Variants in FSTL5 observed in about 807,000 individuals in gnomAD.
The protein encoded by FSTL5 is follistatin like 5, also known as follistatin-related protein 5.
FSTL5 carries 62 observed loss-of-function variants against 89.1 expected under a neutral mutation model. The ratio of observed to expected loss-of-function variants is 0.70; its 90% CI spans 0.57 to 0.86. FSTL5 has a LOEUF of 0.86. Ranked by LOEUF, FSTL5 falls within the 40% of genes least tolerant of loss-of-function variation. The pLI is 0.00. For missense variants in FSTL5, 1,057 were observed against 1,001.6 expected, an observed-to-expected ratio of 1.06 and a Z score of -0.75; for synonymous variants, 383 against 346.2, an observed-to-expected ratio of 1.11 and a Z score of -1.18.
intron 4 of FSTL5, among the ~76,000 whole-genome samples, chr4:161,891,338 G>A (rs974014531): frequency 6.6e-6 from 1 of 152,020 alleles, no homozygotes. Flanking sequence ...TCAAAAGAAA[G>A]CTCTGTCCTT....
chr4:161,726,049 C>T (rs1579050323), intron 6 of FSTL5, among the ~76,000 whole-genome samples: 1 of 152,128 alleles, frequency 6.6e-6, no homozygotes, highest in Admixed American at 6.5e-5. Flanking sequence ...GGTAAAAAAG[C>T]TGGTGAGGAG....
intron 4 of FSTL5, among the ~76,000 whole-genome samples, chr4:161,793,325 AGCAAACCATG>A (rs1341238792): frequency 6.6e-6 from 1 of 152,220 alleles, no homozygotes; most frequent in Non-Finnish European, 1.5e-5. Context: ...AGCAGGCCCG[AGCAAACCATG>A]GCAACAGAGG....
At chr4:161,825,811 A>C (rs1730650029) in intron 4 of FSTL5, among the ~76,000 whole-genome samples, 1 of 151,810 alleles carries the variant, frequency 6.6e-6, no homozygotes, top group Non-Finnish European at 1.5e-5. Flanking sequence ...ATGGTCTGTC[A>C]ATTTTATTTA....
At chr4:161,425,137 A>G (rs530106564) in intron 15 of FSTL5, among the ~76,000 whole-genome samples, 1 of 152,242 alleles carries the variant, frequency 6.6e-6, no homozygotes, top group South Asian at 2.1e-4. Context: ...ATGTGGTAGA[A>G]TACTACTTTG....
intron 3 of FSTL5, among the ~76,000 whole-genome samples, chr4:161,930,437 T>C (rs1734254782): frequency 6.6e-6 from 1 of 151,934 alleles, no homozygotes; most frequent in Non-Finnish European, 1.5e-5. Context: ...AATCAACTTA[T>C]TACCATATGC....
intron 9 of FSTL5, among the ~76,000 whole-genome samples, chr4:161,540,442 C>A (rs559183587): frequency 6.6e-6 from 1 of 152,120 alleles, no homozygotes; most frequent in African/African-American, 2.4e-5. Context: ...CTCTTTCAAT[C>A]GTGAGGTAAA....
intron 3 of FSTL5, among the ~76,000 whole-genome samples, chr4:162,030,047 C>A (rs140232006): frequency 6.6e-6 from 1 of 151,766 alleles, no homozygotes; most frequent in Non-Finnish European, 1.5e-5. Context: ...TACAGGCATG[C>A]GCTACCACGC....
chr4:161,386,403 C>G lies in FSTL5; in HGVS notation c.1888G>C (p.Asp630His). The part of the protein sequence containing the change: ...HKDEAALQKI[D>H]LETMSYIKTI... The stretch of plus-strand genomic sequence containing the variant: ...TTGATGTATGACATGGTTTCAAGAT[C>G]AATTTTTTGTAGTGCAGCTTCATCT... Residue 630 changes from aspartate to histidine, a missense_variant, in exon 16 of 16, where the codon GAT becomes CAT. Physicochemically the swap from Asp to His is moderately conservative, Grantham distance 81. Around this residue, in one of 3 missense-constraint regions of FSTL5, gnomAD observed 980 missense variants for 903.2 expected, o/e 1.08. Coordinates refer to ENST00000306100, the MANE Select transcript of FSTL5 (RefSeq NM_020116.5). 3 of 1,613,290 alleles carry G rather than the reference C, an allele frequency of 1.9e-6. No homozygotes were observed. Among genetic ancestry groups the G allele is most frequent in the Non-Finnish European group, 2.5e-6 (3 of 1,179,658 alleles).
In FSTL5 at chr4:161,776,018, G is replaced by T. The variant is rs1741396779; in HGVS notation, c.466C>A (p.Gln156Lys). The T allele has an allele frequency of 5.7e-6, 9 of 1,591,600 alleles. No individual in the cohort carries two copies. The South Asian group carries it at 1.0e-4, about 18-fold the overall frequency. The change falls in exon 5 of 16, where the codon CAA (glutamine) becomes AAA (lysine). Residue 156 changes from glutamine to lysine, a missense_variant. By Grantham distance (53) the Gln-to-Lys change is moderately conservative. This residue lies in a region of FSTL5 where 980 missense variants were observed against 903.2 expected (regional missense o/e 1.08). Coordinates refer to ENST00000306100, the MANE Select transcript of FSTL5 (RefSeq NM_020116.5). ...TCTTGCATAATATATTTTTGATTTT[G>T]TAAATCTAATAGCATATTTTTCATC... ...SKMKNMLLDL[Q>K]NQKYIMQENE...
intron 7 of FSTL5, among the ~76,000 whole-genome samples, chr4:161,612,623 A>G (rs142039011): frequency 6.0e-4 from 92 of 152,334 alleles, no homozygotes; most frequent in Middle Eastern, 3.4e-3. Flanking sequence ...CTTGGGGATG[A>G]GAAGTATTAA....
At chr4:162,002,355 T>C (rs1736489186) in intron 3 of FSTL5, among the ~76,000 whole-genome samples, 1 of 152,192 alleles carries the variant, frequency 6.6e-6, no homozygotes, top group African/African-American at 2.4e-5. Context: ...CTGATTAACC[T>C]TGCTTTTTCT....
intron 6 of FSTL5, among the ~76,000 whole-genome samples, chr4:161,721,367 G>C (rs113438196): frequency 0.029 from 4,381 of 149,828 alleles, 198 homozygotes; most frequent in South Asian, 0.19. Context: ...TTTTAAAAAT[G>C]CTTAAATAAA....
chr4:161,559,658 C>T (rs72687539), intron 8 of FSTL5, among the ~76,000 whole-genome samples: 12,548 of 151,862 alleles, frequency 0.083, 588 homozygotes, highest in Middle Eastern at 0.17. Context: ...AATGGTTTCT[C>T]ATGCATTTTG....
At chr4:162,047,740 G>A (rs1046156702) in intron 2 of FSTL5, among the ~76,000 whole-genome samples, 2 of 151,894 alleles carry the variant, frequency 1.3e-5, no homozygotes, top group Non-Finnish European at 2.9e-5. Flanking sequence ...CAGGAGAATT[G>A]CTTGAACCTG....
intron 15 of FSTL5, among the ~76,000 whole-genome samples, chr4:161,426,273 C>A (rs1732165216): frequency 6.6e-6 from 1 of 152,092 alleles, no homozygotes; most frequent in African/African-American, 2.4e-5. Context: ...AATACCTAAC[C>A]TCTAGAATCT....
intron 3 of FSTL5, among the ~76,000 whole-genome samples, chr4:162,015,786 G>A (rs6852919): frequency 0.099 from 14,994 of 151,976 alleles, 876 homozygotes; most frequent in Non-Finnish European, 0.13. Context: ...TTCAATCTCC[G>A]TGTTTGTACT....
chr4:161,656,350 T>C lies in FSTL5; in HGVS notation c.872A>G (p.Asn291Ser), dbSNP rs190138988. Residue 291 changes from asparagine (N) to serine (S), a missense_variant, in exon 7 of 16, where the codon AAT becomes AGT. Asn to Ser is a conservative substitution (Grantham distance 46). Coordinates refer to ENST00000306100, the MANE Select transcript of FSTL5 (RefSeq NM_020116.5). The part of the protein sequence containing the change: ...IWKRNNIILN[N>S]LDLEDINDFG... The stretch of plus-strand genomic sequence containing the variant: ...CACATTGATGTCTTCCAAATCTAAA[T>C]TATTTAGAATAATATTGTTCCTTTT... 1.0e-5 allele frequency: 16 copies of C among 1,585,680 alleles called. No individual in the cohort carries two copies. Among genetic ancestry groups the C allele is most frequent in the Middle Eastern group, 3.4e-4 (2 of 5,948 alleles).
chr4:162,094,543 A>G (rs1294007498), intron 2 of FSTL5, among the ~76,000 whole-genome samples: 1 of 152,180 alleles, frequency 6.6e-6, no homozygotes, highest in East Asian at 1.9e-4. Context: ...TAATAAATAC[A>G]ATAGGTTTCT....
At chr4:161,789,383 T>G (rs1473340982) in intron 4 of FSTL5, among the ~76,000 whole-genome samples, 1 of 152,144 alleles carries the variant, frequency 6.6e-6, no homozygotes, top group Non-Finnish European at 1.5e-5. Flanking sequence ...TTCTAGCCTT[T>G]TGTGGCCTTT....
Sources: allele counts gnomAD v4.1 joint callset (sites outside exome capture counted in the v4.1 genomes callset), GRCh38; gene constraint gnomAD v4.1.1; regional missense constraint gnomAD v4.1.1; transcripts MANE v1.5; gene names NCBI Gene and HGNC (gene_info 2026-07-23, HGNC 2026-07-21).